Variants in ANKRD52 observed in about 807,000 individuals in gnomAD.
The protein encoded by ANKRD52 is ankyrin repeat domain 52, also known as serine/threonine-protein phosphatase 6 regulatory ankyrin repeat subunit C.
Under a neutral mutation model 116.0 loss-of-function variants are expected in ANKRD52, and 7 were observed. The observed-to-expected ratio is 0.06, with a 90% confidence interval of 0.03 to 0.11. The LOEUF is 0.11. Ranked by LOEUF, ANKRD52 falls within the 10% of genes least tolerant of loss-of-function variation. The probability of loss-of-function intolerance (pLI) is 1.00; values close to 1 mark genes in which losing one functional copy is unlikely to be tolerated. For missense variants in ANKRD52, 839 were observed against 1,408.6 expected (o/e 0.60, Z 6.47); for synonymous variants, 528 against 578.1 (o/e 0.91, Z 1.24).
Position 56,242,610 on chromosome 12 carries a change from C to G in ANKRD52, c.*532G>C, listed in dbSNP as rs893549109. 18 of 171,666 alleles carry G rather than the reference C, an allele frequency of 1.0e-4. No homozygotes were observed. The highest frequency in any genetic ancestry group is 3.6e-4 in the Admixed American group (6 of 16,858). 10.6% of individuals were successfully genotyped at this position (171,666 alleles called of 1,614,324 possible). Reference sequence around the variant, plus strand: ...GGCCCCAGTGCTAAATATCCTCCCCCCTCATCCTCTAGCTGCCCCTGAAGG... The same window carrying G: ...GGCCCCAGTGCTAAATATCCTCCCCGCTCATCCTCTAGCTGCCCCTGAAGG... On this transcript the variant is annotated 3_prime_UTR_variant, in exon 28 of 28. Coordinates refer to ENST00000267116, the MANE Select transcript of ANKRD52 (RefSeq NM_173595.4). The surrounding 1 kb of genome is among the most constrained non-coding windows in gnomAD (Gnocchi z 4.3).
rs540542978 is a variant in ANKRD52, at chr12:56,248,800, G to A, written c.1663C>T (p.His555Tyr). ...CTGTTGCCATAGGCGGCTGCATAGTGCACAGCTGTGTAGCCCTGCCTGTCC... is the reference window on the plus strand; with the variant it reads ...CTGTTGCCATAGGCGGCTGCATAGTACACAGCTGTGTAGCCCTGCCTGTCC... ...LRDRQGYTAV[H>Y]YAAAYGNRQN... The change falls in exon 16 of 28, where the codon CAC becomes TAC. Residue 555 changes from histidine (H) to tyrosine (Y), a missense_variant. By Grantham distance (83) the His-to-Tyr change is moderately conservative. Around this residue, in one of 2 missense-constraint regions of ANKRD52, gnomAD observed 552 missense variants for 810.6 expected, o/e 0.68. Coordinates refer to ENST00000267116, the MANE Select transcript of ANKRD52 (RefSeq NM_173595.4). The surrounding 1 kb of genome is among the most constrained non-coding windows in gnomAD (Gnocchi z 5.1). The A allele has an allele frequency of 1.2e-6, 2 of 1,611,596 alleles. No individual in the cohort carries two copies. The highest frequency in any genetic ancestry group is 4.5e-5 in the East Asian group (2 of 44,838).
At chr12:56,258,006 G>T (rs1036590071) in intron 1 of ANKRD52, 95 bp from the exon 2 acceptor site, 5 of 1,340,782 alleles carry the variant, frequency 3.7e-6, no homozygotes, top group Admixed American at 3.9e-5. Context: ...TGAGTGGGGG[G>T]CGTCCGTGGA....
In ANKRD52 at chr12:56,248,552, G is replaced by A; in HGVS notation, c.1719C>T (p.Ser573=). ...TCTCCACATCCTCCAGGCAGTTAAA[G>A]GACATTTCTAAGAGCTGCAAAGGAC... ...RQNLELLLEM[S]FNCLEDVEST... is the part of the protein sequence containing the mutation. Residue 573 remains serine, a synonymous_variant, in exon 17 of 28, where the codon TCC becomes TCT. Coordinates refer to ENST00000267116, the MANE Select transcript of ANKRD52 (RefSeq NM_173595.4). This position sits in a 1 kb window ranked among gnomAD's most constrained non-coding sequence, Gnocchi z 5.1. The A allele has an allele frequency of 6.3e-7, 1 of 1,593,522 alleles. No homozygotes were observed. Among genetic ancestry groups the A allele is most frequent in the South Asian group, 1.1e-5 (1 of 87,312 alleles).
chr12:56,242,492 A>G lies in ANKRD52; in HGVS notation c.*650T>C. On this transcript the variant is annotated 3_prime_UTR_variant, in exon 28 of 28. Coordinates refer to ENST00000267116, the MANE Select transcript of ANKRD52 (RefSeq NM_173595.4). This position sits in a 1 kb window ranked among gnomAD's most constrained non-coding sequence, Gnocchi z 4.3. ...CATATGAGGAGCCAGGGGAGAGTGC[A>G]GGATTGGGGCCCAGGTACAGTAGTT... 3.5e-6 allele frequency: 1 copy of G among 285,686 alleles called. No homozygotes were observed. The highest frequency in any genetic ancestry group is 6.5e-6 in the Non-Finnish European group (1 of 154,602). The allele number at this position is 285,686 out of a possible 1,614,324, so 17.7% of individuals were successfully genotyped here.
chr12:56,248,244 C>T lies in ANKRD52; in HGVS notation c.1777-20G>A, dbSNP rs576031020. 2 of 1,612,236 alleles carry T rather than the reference C, an allele frequency of 1.2e-6. No individual in the cohort carries two copies. Among genetic ancestry groups the T allele is most frequent in the Non-Finnish European group, 1.7e-6 (2 of 1,179,268 alleles). On this transcript the variant is annotated intron_variant, in intron 17 of 27. Transcript: ENST00000267116. This position sits in a 1 kb window ranked among gnomAD's most constrained non-coding sequence, Gnocchi z 5.1. ...GTAGGCCTGGCAAGGTGCAGGCAAC[C>T]AGTGCACACAGCTCGGGACCTTCCC... is the stretch of plus-strand genomic sequence containing the variant.
Position 56,248,880 on chromosome 12 carries a change from C to CG in ANKRD52, c.1593-11dup, listed in dbSNP as rs1239499423. On this transcript the variant is annotated splice_polypyrimidine_tract_variant and intron_variant, in intron 15 of 27. Transcript: ENST00000267116. The surrounding 1 kb of genome is among the most constrained non-coding windows in gnomAD (Gnocchi z 5.1). ...TAAGAACTCCAGACAGCTGGGGAGC[C>CG]GGGGGTAGACTGTGAGGCAGGGACA... The CG allele has an allele frequency of 2.6e-6, 4 of 1,568,614 alleles. No homozygotes were observed. The South Asian group carries it at 3.5e-5, about 14-fold the overall frequency.
chr12:56,251,738 C>CA lies in ANKRD52; in HGVS notation c.1592+276dup, dbSNP rs11286294. 9.3e-3 allele frequency among the ~76,000 whole-genome samples: 779 copies of CA among 83,496 alleles called. 13 individuals are homozygous for CA. Among genetic ancestry groups the CA allele is most frequent in the African/African-American group, 0.03 (705 of 23,638 alleles). The allele number at this position is 83,496 out of a possible 152,430, so 54.8% of individuals were successfully genotyped here. A position where few individuals can be genotyped will look rare whatever the true frequency, so the allele number is the denominator to read the frequency against. ...GGGCAACAGAGTGAGACTCTGTCTC[C>CA]AAAAAAAAAAAAAAAAAAAAAATCC... On this transcript the variant is annotated intron_variant, in intron 15 of 27. Coordinates refer to ENST00000267116, the MANE Select transcript of ANKRD52 (RefSeq NM_173595.4).
At position 56,253,707 on chromosome 12, in the gene ANKRD52, C is replaced by T; in HGVS notation, c.985+15G>A. On this transcript the variant is annotated intron_variant, in intron 9 of 27. Transcript: ENST00000267116. The surrounding 1 kb of genome is among the most constrained non-coding windows in gnomAD (Gnocchi z 5.5). ...GGAGGAGGGGATGAGAGCACAAAGT[C>T]TCCCAGGTCCATACCATTCTGGATG... The T allele has an allele frequency of 6.2e-7, 1 of 1,612,886 alleles. No individual in the cohort carries two copies. The highest frequency in any genetic ancestry group is 8.5e-7 in the Non-Finnish European group (1 of 1,179,064).
chr12:56,254,355 C>T lies in ANKRD52; in HGVS notation c.694-76G>A, dbSNP rs540833473. ...AGCCAGCACATGTAGCCTCCAGATCCCAGAAATCCAACGACTGCCTCATTT... is the reference window on the plus strand; with the variant it reads ...AGCCAGCACATGTAGCCTCCAGATCTCAGAAATCCAACGACTGCCTCATTT... On this transcript the variant is annotated intron_variant, in intron 7 of 27. Coordinates refer to ENST00000267116, the MANE Select transcript of ANKRD52 (RefSeq NM_173595.4). The surrounding 1 kb of genome is among the most constrained non-coding windows in gnomAD (Gnocchi z 4.6). 203 of 1,519,610 alleles carry T rather than the reference C, an allele frequency of 1.3e-4. 1 individual carries two copies. In the South Asian group the frequency reaches 2.1e-3, roughly 15 times the overall value. 94.1% of individuals were successfully genotyped at this position (1,519,610 alleles called of 1,614,324 possible). A position where few individuals can be genotyped will look rare whatever the true frequency, so the allele number is the denominator to read the frequency against.
chr12:56,257,778 A>G, intron 2 of ANKRD52, 50 bp downstream of exon 2: 2 of 1,586,392 alleles, frequency 1.3e-6, no homozygotes, highest in Non-Finnish European at 1.7e-6. Flanking sequence ...GGGGTCCAGA[A>G]CACGGGAGCC....
chr12:56,257,747 G>A (rs546342654), intron 2 of ANKRD52, 81 bp downstream of exon 2: 62 of 1,390,158 alleles, frequency 4.5e-5, no homozygotes, highest in Non-Finnish European at 5.9e-5. Flanking sequence ...AGGAGACACG[G>A]AGCCGCCCCA....
At position 56,252,229 on chromosome 12, in the gene ANKRD52, T is replaced by C; in HGVS notation, c.1457A>G (p.Asp486Gly). The change falls in exon 14 of 28, where the codon GAC (aspartate) becomes GGC (glycine). Residue 486 changes from aspartate to glycine, a missense_variant. Asp to Gly is a moderately conservative substitution (Grantham distance 94, BLOSUM62 -1). Coordinates refer to ENST00000267116, the MANE Select transcript of ANKRD52 (RefSeq NM_173595.4). The surrounding 1 kb of genome is among the most constrained non-coding windows in gnomAD (Gnocchi z 4.7). ...GTGGAGGGGAGAGCAGCCTTTACAG[T>C]CGGCCTCGTTGACACCTGCCCCAGC... ...VTAGAGVNEA[D>G]CKGCSPLHYA... 6.2e-7 allele frequency: 1 copy of C among 1,613,886 alleles called. No individual in the cohort carries two copies. The highest frequency in any genetic ancestry group is 8.5e-7 in the Non-Finnish European group (1 of 1,179,858).
chr12:56,245,419 C>A lies in ANKRD52; in HGVS notation c.2362G>T (p.Asp788Tyr). The A allele has an allele frequency of 6.2e-7, 1 of 1,612,870 alleles. No individual in the cohort carries two copies. ...LSTDPLDAGV[D>Y]YSGYSPMHWA... ...TGCATGGGCGAGTATCCGCTGTAAT[C>A]CACCCCGGCATCCAGGGGATCTGTG... The change falls in exon 21 of 28, where the codon GAT (aspartate) becomes TAT (tyrosine). Residue 788 changes from aspartate (D) to tyrosine (Y), a missense_variant. Around this residue, in one of 2 missense-constraint regions of ANKRD52, gnomAD observed 552 missense variants for 810.6 expected, o/e 0.68. Coordinates refer to ENST00000267116, the MANE Select transcript of ANKRD52 (RefSeq NM_173595.4).
rs1592387083 is a variant in ANKRD52, at chr12:56,244,542, A to C, written c.2723-107T>G. ...GCAGATGGCGAGACATCCAAAGACAACCCTCTTGCTTTCTGAACCCCAGCC... is the reference window on the plus strand; with the variant it reads ...GCAGATGGCGAGACATCCAAAGACACCCCTCTTGCTTTCTGAACCCCAGCC... On this transcript the variant is annotated intron_variant, in intron 24 of 27. Coordinates refer to ENST00000267116, the MANE Select transcript of ANKRD52 (RefSeq NM_173595.4). This position sits in a 1 kb window ranked among gnomAD's most constrained non-coding sequence, Gnocchi z 4.9. 1 of 1,597,108 alleles carries C rather than the reference A, an allele frequency of 6.3e-7. No homozygotes were observed.
At chr12:56,247,371 G>T in intron 20 of ANKRD52, 122 bp downstream of exon 20, 487 of 654,862 alleles carry the variant, frequency 7.4e-4, no homozygotes, top group Non-Finnish European at 1.1e-3. Context: ...AAAAGAAAAA[G>T]AAAAAAGACG....
Position 56,252,650 on chromosome 12 carries a change from C to T in ANKRD52, c.1302-80G>A. On this transcript the variant is annotated intron_variant, in intron 12 of 27. Transcript: ENST00000267116. The surrounding 1 kb of genome is among the most constrained non-coding windows in gnomAD (Gnocchi z 4.7). Reference sequence around the variant, plus strand: ...AGGGTGGGGCTAAGGAAGGATGGGACTAGCAAGCCCTTTCTGCTGTGACTG... The same window carrying T: ...AGGGTGGGGCTAAGGAAGGATGGGATTAGCAAGCCCTTTCTGCTGTGACTG... 1.9e-6 allele frequency: 3 copies of T among 1,544,322 alleles called. No individual in the cohort carries two copies. The highest frequency in any genetic ancestry group is 2.7e-6 in the Non-Finnish European group (3 of 1,119,198).
chr12:56,252,132 G>A lies in ANKRD52; in HGVS notation c.1512-37C>T, dbSNP rs779987597. 3 of 1,613,836 alleles carry A rather than the reference G, an allele frequency of 1.9e-6. No individual in the cohort carries two copies. The highest frequency in any genetic ancestry group is 3.3e-5 in the Admixed American group (2 of 60,006). The stretch of plus-strand genomic sequence containing the variant: ...AGAGAGAAAGTTAGGGCCAGGCTCA[G>A]GGAGGTGAATGGGGCTGAGAAGGAC... On this transcript the variant is annotated intron_variant, in intron 14 of 27. Transcript: ENST00000267116. This position sits in a 1 kb window ranked among gnomAD's most constrained non-coding sequence, Gnocchi z 4.7.
chr12:56,249,231 C>T (rs903892028), intron 15 of ANKRD52, among the ~76,000 whole-genome samples: 9 of 152,178 alleles, frequency 5.9e-5, no homozygotes, highest in South Asian at 4.1e-4. Flanking sequence ...CCAGCCCACC[C>T]GAATAAGTCC....
rs1340638788 is a variant in ANKRD52, at chr12:56,252,902, A to G, written c.1184-5T>C. The G allele has an allele frequency of 6.2e-7, 1 of 1,613,314 alleles. No homozygotes were observed. The highest frequency in any genetic ancestry group is 2.2e-5 in the East Asian group (1 of 44,882). On this transcript the variant is annotated splice_polypyrimidine_tract_variant and splice_region_variant and intron_variant, in intron 11 of 27. Transcript: ENST00000267116. This position sits in a 1 kb window ranked among gnomAD's most constrained non-coding sequence, Gnocchi z 4.7. ...ACACAATGCTGTACAACTGACCTGGAGGCACAGAACAGCCACAGGTCACAT... is the reference window on the plus strand; with the variant it reads ...ACACAATGCTGTACAACTGACCTGGGGGCACAGAACAGCCACAGGTCACAT...
Sources: allele counts gnomAD v4.1 joint callset (sites outside exome capture counted in the v4.1 genomes callset), GRCh38; gene constraint gnomAD v4.1.1; regional missense constraint gnomAD v4.1.1; non-coding constraint Gnocchi (gnomAD v3.1); transcripts MANE v1.5; gene names NCBI Gene and HGNC (gene_info 2026-07-23, HGNC 2026-07-21).